The following ZNF630 variants were observed in gnomAD, a reference collection of about 807,000 sequenced individuals.
ZNF630 encodes the protein zinc finger protein 630, also known as dJ54B20.2 (novel KRAB box containing C2H2 type zinc finger protein).
Under a neutral mutation model 7.2 loss-of-function variants are expected in ZNF630, and 5 were observed. The observed-to-expected ratio is 0.70, with a 90% CI of 0.36 to 1.46. ZNF630 has a LOEUF of 1.46. Among genes scored for constraint, ZNF630 ranks in the 40% most tolerant of loss-of-function variants. ZNF630 has a pLI of 0.03. For missense variants in ZNF630, 461 were observed against 477.0 expected, an observed-to-expected ratio of 0.97 and a Z score of 0.31; for synonymous variants, 158 against 162.8, an observed-to-expected ratio of 0.97 and a Z score of 0.23.
In ZNF630 at chrX:48,059,950, C is replaced by T; in HGVS notation, c.492G>A (p.Arg164=). 8.3e-7 allele frequency: 1 copy of T among 1,208,206 alleles called. No individual in the cohort carries two copies. The highest frequency in any genetic ancestry group is 1.1e-6 in the Non-Finnish European group (1 of 893,230). ...GACTTAAAGGAGCAAGGTCTGTGCA[C>T]CGATTGAACATTTTCCCAAATGCAC... ...KYSAFGKMFN[R]CTDLAPLSQK... Residue 164 remains arginine, a synonymous_variant, in exon 5 of 5, where the codon CGG becomes CGA. Transcript: ENST00000276054.
intron 1 of ZNF630, among the ~76,000 whole-genome samples, chrX:48,068,099 GGAAGGCAGGAAGGAAGGCAGGACA>G (rs1465667763): frequency 1.1e-4 from 11 of 104,090 alleles, no homozygotes; most frequent in Admixed American, 5.3e-4. Context: ...AAGGCAGGAG[GGAAGGCAGGAAGGAAGGCAGGACA>G]GAAGGCAGGA....
At position 48,059,695 on chromosome X, in the gene ZNF630, G is replaced by A; in HGVS notation, c.747C>T (p.Ala249=). 2 of 1,208,075 alleles carry A rather than the reference G, an allele frequency of 1.7e-6. No individual in the cohort carries two copies. The highest frequency in any genetic ancestry group is 2.2e-6 in the Non-Finnish European group (2 of 893,164). The change falls in exon 5 of 5, where the codon GCC becomes GCT. Residue 249 remains alanine, a synonymous_variant. Coordinates refer to ENST00000276054, the MANE Select transcript of ZNF630 (RefSeq NM_001282201.2). ...QCEKVLSHKQ[A]HVQYKKFQAR... ...CTTGAAATTTCTTATACTGAACATGGGCTTGCTTATGACTGAGAACTTTTT... is the reference window on the plus strand; with the variant it reads ...CTTGAAATTTCTTATACTGAACATGAGCTTGCTTATGACTGAGAACTTTTT...
Position 48,066,860 on chromosome X carries a change from C to G in ZNF630, c.15+12G>C. The G allele has an allele frequency of 1.7e-6, 2 of 1,207,148 alleles. No homozygotes were observed. The highest frequency in any genetic ancestry group is 3.5e-5 in the South Asian group (2 of 56,738). On this transcript the variant is annotated intron_variant, in intron 2 of 4. Transcript: ENST00000276054. The stretch of plus-strand genomic sequence containing the variant: ...TGTTGTGGGAAAACCAAGTGGCAAA[C>G]AAATAACTTACCTGGGACTCAATCA...
At chrX:48,060,973 G>T in intron 2 of ZNF630, 28 bp from the exon 3 acceptor site, 2 of 1,162,458 alleles carry the variant, frequency 1.7e-6, no homozygotes, top group Non-Finnish European at 2.3e-6. Flanking sequence ...TGTACAATCT[G>T]CTCGTTCTGG....
At position 48,059,342 on chromosome X, in the gene ZNF630, C is replaced by G; in HGVS notation, c.1100G>C (p.Arg367Thr). ...AAAGGGCTTCTCTCTGGTATGAACT[C>G]TCTGATGTATAATTAGATGTGACTT... ...SQKSHLIIHQRVHTREKPFEC... is the reference protein window; with the variant it reads ...SQKSHLIIHQTVHTREKPFEC... The change falls in exon 5 of 5, where the codon AGA (arginine) becomes ACA (threonine). Residue 367 changes from arginine to threonine, a missense_variant. By Grantham distance (71) the Arg-to-Thr change is moderately conservative. Transcript: ENST00000276054. The G allele has an allele frequency of 8.3e-7, 1 of 1,208,361 alleles. No homozygotes were observed. Among genetic ancestry groups the G allele is most frequent in the South Asian group, 1.8e-5 (1 of 56,888 alleles).
chrX:48,062,343 T>C, intron 2 of ZNF630, among the ~76,000 whole-genome samples: 1 of 112,741 alleles, frequency 8.9e-6, no homozygotes, highest in East Asian at 2.8e-4. Context: ...CAGTACTATT[T>C]ATAATAGCAA....
In ZNF630 at chrX:48,062,735, AAAAC is replaced by A. The variant is rs59963366; in HGVS notation, c.16-1794_16-1791del. On this transcript the variant is annotated intron_variant, in intron 2 of 4. Transcript: ENST00000276054. ...GGCGACAGACTGAGACTCTGTCTCA[AAAAC>A]AAACAAACAACCAGCCTGGGCAACA... Among the ~76,000 whole-genome samples the A allele has an allele frequency of 9.9e-3, 1,096 of 110,700 alleles. 29 individuals are homozygous for A. Among genetic ancestry groups the A allele is most frequent in the African/African-American group, 0.034 (1,040 of 30,197 alleles).
chrX:48,065,224 G>A (rs1383207531), intron 2 of ZNF630, among the ~76,000 whole-genome samples: 3 of 111,023 alleles, frequency 2.7e-5, no homozygotes, highest in Non-Finnish European at 3.8e-5. Context: ...GAAATAGGCC[G>A]GGCGCAGTGG....
At chrX:48,068,166 A>AGAAGGAAGGAAG (rs199852662) in intron 1 of ZNF630, among the ~76,000 whole-genome samples, 2 of 84,483 alleles carry the variant, frequency 2.4e-5, no homozygotes, top group African/African-American at 9.4e-5. Flanking sequence ...GGAGGGAGGA[A>AGAAGGAAGGAAG]GAAGGAAGGA....
rs1556909009 is a variant in ZNF630 at position 48,060,487 on chromosome X, C to A, written c.201G>T (p.Trp67Cys). Reference sequence around the variant, plus strand: ...ACCTTGACAACTCACTCTCTATGATCCATGGGTCCTTTCCATGTTCCAACT... The same window carrying A: ...ACCTTGACAACTCACTCTCTATGATACATGGGTCCTTTCCATGTTCCAACT... ...IFKLEHGKDP[W>C]IIESELSRWI... Residue 67 changes from tryptophan to cysteine, a missense_variant, in exon 4 of 5, where the codon TGG becomes TGT. Transcript: ENST00000276054. 9.1e-6 allele frequency: 11 copies of A among 1,205,292 alleles called. 1 individual carries two copies. The South Asian group carries it at 1.9e-4, about 21-fold the overall frequency.
intron 2 of ZNF630, among the ~76,000 whole-genome samples, chrX:48,065,815 A>G (rs1556910015): frequency 9.0e-6 from 1 of 111,686 alleles, no homozygotes; most frequent in Non-Finnish European, 1.9e-5. Context: ...CAATAGAAGA[A>G]AGTAAAATTA....
intron 1 of ZNF630, among the ~76,000 whole-genome samples, chrX:48,070,110 G>C (rs931074331): frequency 1.9e-5 from 2 of 106,545 alleles, no homozygotes; most frequent in East Asian, 3.0e-4. Context: ...CGGCCGCCTC[G>C]GCCTCCCAAA....
chrX:48,058,795 C>T lies in ZNF630; in HGVS notation c.1647G>A (p.Gly549=), dbSNP rs139544210. The T allele has an allele frequency of 5.1e-5, 61 of 1,203,549 alleles. 3 individuals are homozygous for T. The African/African-American group carries it at 9.9e-4, about 20-fold the overall frequency. ...GATGTGACTTCAGGGAAAAGGCCCTCCCACACTCAGTACACTCATAAGGTT... is the reference window on the plus strand; with the variant it reads ...GATGTGACTTCAGGGAAAAGGCCCTTCCACACTCAGTACACTCATAAGGTT... ...GEKPYECTEC[G]RAFSLKSHLI... is the part of the protein sequence containing the mutation. Residue 549 remains glycine, a synonymous_variant, in exon 5 of 5, where the codon GGG becomes GGA. Transcript: ENST00000276054.
chrX:48,064,104 T>A (rs2059119235), intron 2 of ZNF630, among the ~76,000 whole-genome samples: 1 of 110,360 alleles, frequency 9.1e-6, no homozygotes, highest in Admixed American at 9.7e-5. Flanking sequence ...CCTCATTTTC[T>A]TCATCTGAAA....
chrX:48,070,006 C>T lies in ZNF630; in HGVS notation c.-176+1261G>A, dbSNP rs370755890. 4.6e-5 allele frequency among the ~76,000 whole-genome samples: 5 copies of T among 108,174 alleles called. No individual in the cohort carries two copies. In the East Asian group the frequency reaches 8.8e-4, roughly 19 times the overall value. The allele number at this position is 108,174 out of a possible 115,157, so 93.9% of individuals were successfully genotyped here. On this transcript the variant is annotated intron_variant, in intron 1 of 4. Transcript: ENST00000276054. The stretch of plus-strand genomic sequence containing the variant: ...CCCAGTAGCTGGGACTACAGGAGCC[C>T]GCCACCACGCCCAGCTAATTTTTTT...
rs782800953 is a variant in ZNF630 at position 48,059,951 on chromosome X, C to T, written c.491G>A (p.Arg164Gln). The T allele has an allele frequency of 4.1e-6, 5 of 1,206,096 alleles. No individual in the cohort carries two copies. The highest frequency in any genetic ancestry group is 3.5e-5 in the African/African-American group (2 of 56,481). Residue 164 changes from arginine to glutamine, a missense_variant, in exon 5 of 5, where the codon CGG becomes CAG. Coordinates refer to ENST00000276054, the MANE Select transcript of ZNF630 (RefSeq NM_001282201.2). ...KYSAFGKMFN[R>Q]CTDLAPLSQK... is the part of the protein sequence containing the mutation. The stretch of plus-strand genomic sequence containing the variant: ...ACTTAAAGGAGCAAGGTCTGTGCAC[C>T]GATTGAACATTTTCCCAAATGCACT...
intron 2 of ZNF630, among the ~76,000 whole-genome samples, chrX:48,064,664 A>G (rs782755184): frequency 1.8e-5 from 2 of 111,853 alleles, no homozygotes; most frequent in Non-Finnish European, 3.8e-5. Flanking sequence ...CGGTTTCGCC[A>G]TGCTGCCCAG....
intron 2 of ZNF630, among the ~76,000 whole-genome samples, chrX:48,063,402 G>T (rs948372157): frequency 1.8e-5 from 2 of 111,134 alleles, no homozygotes; most frequent in East Asian, 2.8e-4. Flanking sequence ...TATGTGAAAA[G>T]ATGCTGAAGC....
chrX:48,069,886 C>T (rs1461832642), intron 1 of ZNF630, among the ~76,000 whole-genome samples: 1 of 97,911 alleles, frequency 1.0e-5, no homozygotes, highest in Non-Finnish European at 2.0e-5. Flanking sequence ...GAGATGGAGT[C>T]TCGCTCTGTC....
Sources: allele counts gnomAD v4.1 joint callset (sites outside exome capture counted in the v4.1 genomes callset), GRCh38; gene constraint gnomAD v4.1.1; transcripts MANE v1.5; gene names NCBI Gene and HGNC (gene_info 2026-07-23, HGNC 2026-07-21).